The following ZNF606 variants were observed in gnomAD, a reference collection of about 807,000 sequenced individuals.
The protein encoded by ZNF606 is zinc finger protein 328.
In ZNF606, 37 loss-of-function variants were observed where a neutral mutation model predicts 74.9. That is an observed-to-expected ratio of 0.49 (90% confidence interval 0.38 to 0.65). The LOEUF (loss-of-function observed/expected upper bound fraction) is 0.65, where lower values mean the gene tolerates loss of function less well. Among genes scored for constraint, ZNF606 ranks in the 30% least tolerant of loss-of-function variants. The pLI is 0.00. For missense variants in ZNF606, 852 were observed against 952.9 expected (o/e 0.89, Z 1.39); for synonymous variants, 328 against 312.4 (o/e 1.05, Z -0.53).
rs377480143 is a variant in ZNF606, at chr19:57,979,783, A to G, written c.897T>C (p.Asn299=). The G allele has an allele frequency of 1.2e-4, 193 of 1,613,322 alleles. No individual in the cohort carries two copies. The highest frequency in any genetic ancestry group is 1.5e-4 in the Non-Finnish European group (182 of 1,179,998). Residue 299 remains asparagine, a synonymous_variant, in exon 7 of 7, where the codon AAT becomes AAC. Transcript: ENST00000551380. ...FKCTDAVKSF[N]HIIHFGDHKG... is the part of the protein sequence containing the mutation. ...TATGATCACCAAAATGTATTATATGATTGAAAGATTTAACAGCATCAGTAC... is the reference window on the plus strand; with the variant it reads ...TATGATCACCAAAATGTATTATATGGTTGAAAGATTTAACAGCATCAGTAC...
chr19:57,988,868 G>A (rs1374304612), intron 4 of ZNF606, 147 bp from the exon 5 acceptor site: 1 of 1,323,494 alleles, frequency 7.6e-7, no homozygotes, highest in Non-Finnish European at 1.0e-6. Flanking sequence ...ATGTGAGTCA[G>A]GTCTCATTGA....
chr19:57,987,423 A>T (rs2073180771), intron 6 of ZNF606, among the ~76,000 whole-genome samples: 1 of 151,992 alleles, frequency 6.6e-6, no homozygotes, highest in Admixed American at 6.6e-5. Context: ...TTTTTAATAA[A>T]GGAGATTTTT....
At chr19:57,985,526 G>A (rs931379581) in intron 6 of ZNF606, among the ~76,000 whole-genome samples, 5 of 152,138 alleles carry the variant, frequency 3.3e-5, no homozygotes, top group Admixed American at 6.6e-5. Flanking sequence ...GCAAACAGGT[G>A]GGGCCCAAAA....
intron 4 of ZNF606, among the ~76,000 whole-genome samples, chr19:57,994,880 G>C (rs113081907): frequency 0.063 from 9,636 of 152,170 alleles, 414 homozygotes; most frequent in Middle Eastern, 0.095. Context: ...GGCAGCACTA[G>C]TAACACTGAA....
Position 57,978,472 on chromosome 19 carries a change from G to A in ZNF606, c.2208C>T (p.Tyr736=). ...HLRNHTGEKP[Y]KCNHCEKAFC... ...ATGCTTTTTCACAATGATTACATTTGTAGGGCTTTTCTCCAGTATGGTTTC... is the reference window on the plus strand; with the variant it reads ...ATGCTTTTTCACAATGATTACATTTATAGGGCTTTTCTCCAGTATGGTTTC... The change falls in exon 7 of 7, where the codon TAC becomes TAT. Residue 736 remains tyrosine (Y), a synonymous_variant. Coordinates refer to ENST00000551380, the MANE Select transcript of ZNF606 (RefSeq NM_001348022.3). The surrounding 1 kb of genome is among the most constrained non-coding windows in gnomAD (Gnocchi z 4.4). The A allele has an allele frequency of 6.2e-7, 1 of 1,613,924 alleles. No homozygotes were observed. Among genetic ancestry groups the A allele is most frequent in the Non-Finnish European group, 8.5e-7 (1 of 1,179,852 alleles).
Position 58,001,329 on chromosome 19 carries a change from T to G in ZNF606, c.-10A>C. On this transcript the variant is annotated 5_prime_UTR_variant, in exon 2 of 7. Transcript: ENST00000551380. The stretch of plus-strand genomic sequence containing the variant: ...GGTTGATGGCTGCCATCCCGAGGAC[T>G]GATTGACCAGGCACCTGCCCAGGAA... 1 of 1,614,136 alleles carries G rather than the reference T, an allele frequency of 6.2e-7. No homozygotes were observed. The highest frequency in any genetic ancestry group is 8.5e-7 in the Non-Finnish European group (1 of 1,180,028).
chr19:57,984,368 A>G (rs2073134040), intron 6 of ZNF606, among the ~76,000 whole-genome samples: 1 of 152,208 alleles, frequency 6.6e-6, no homozygotes, highest in Non-Finnish European at 1.5e-5. Context: ...GTAACTAAGA[A>G]TGGGCAGCAC....
chr19:57,990,539 CAAAAAAA>C (rs1028844010), intron 4 of ZNF606, among the ~76,000 whole-genome samples: 3 of 51,932 alleles, frequency 5.8e-5, no homozygotes, highest in East Asian at 6.0e-4. Context: ...AACCCAGTCT[CAAAAAAA>C]AAAAAAAAAA....
At chr19:57,994,345 G>A (rs569563193) in intron 4 of ZNF606, among the ~76,000 whole-genome samples, 1 of 152,008 alleles carries the variant, frequency 6.6e-6, no homozygotes, top group Non-Finnish European at 1.5e-5. Context: ...GCTAACAGAA[G>A]AGCCCAGAAA....
At chr19:58,000,653 A>C (rs780955987) in intron 3 of ZNF606, 30 bp downstream of exon 3, 1 of 1,613,294 alleles carries the variant, frequency 6.2e-7, no homozygotes. Flanking sequence ...ACAATATGGC[A>C]GCCCACAGCT....
chr19:57,992,083 A>G (rs778078817), intron 4 of ZNF606, among the ~76,000 whole-genome samples: 3 of 152,182 alleles, frequency 2.0e-5, no homozygotes, highest in Non-Finnish European at 4.4e-5. Context: ...CAAGACCCCA[A>G]TGGAATCATT....
chr19:57,986,915 C>G (rs1248862467), intron 6 of ZNF606, among the ~76,000 whole-genome samples: 1 of 152,036 alleles, frequency 6.6e-6, no homozygotes, highest in Non-Finnish European at 1.5e-5. Context: ...GAGACCTTGT[C>G]TCTACAAAAA....
At chr19:57,991,388 A>C (rs1439020885) in intron 4 of ZNF606, among the ~76,000 whole-genome samples, 1 of 151,432 alleles carries the variant, frequency 6.6e-6, no homozygotes, top group East Asian at 1.9e-4. Context: ...TCTATGAAAC[A>C]CTCCCCAACC....
rs553039707 is a variant in ZNF606 at position 57,988,805 on chromosome 19, G to C, written c.178-84C>G. ...GATGGAGTGAGGCTGACAGCCCTGG[G>C]GAGAGAAGACAGGATGTAGAGAAAC... On this transcript the variant is annotated intron_variant, in intron 4 of 6. Transcript: ENST00000551380. 4.2e-4 allele frequency: 668 copies of C among 1,594,738 alleles called. 7 individuals are homozygous for C. The highest frequency in any genetic ancestry group is 3.2e-3 in the Middle Eastern group (19 of 6,012).
At chr19:57,999,919 T>G in intron 3 of ZNF606, 23 bp from the exon 4 acceptor site, 6 of 1,609,824 alleles carry the variant, frequency 3.7e-6, no homozygotes, top group Non-Finnish European at 5.1e-6. Context: ...AAAAAAGTCA[T>G]GGAGGCAGCT....
rs1295084140 is a variant in ZNF606 at position 58,002,498 on chromosome 19, A to G, written c.-154T>C. On this transcript the variant is annotated 5_prime_UTR_variant, in exon 1 of 7. Transcript: ENST00000551380. ...GTCCCGCGCCGAGGTCCGGCCCAGGAGTGCGCTTGGGAGCTCCCGGCGCGG... is the reference window on the plus strand; with the variant it reads ...GTCCCGCGCCGAGGTCCGGCCCAGGGGTGCGCTTGGGAGCTCCCGGCGCGG... 4.4e-6 allele frequency: 2 copies of G among 451,084 alleles called. No individual in the cohort carries two copies. Among genetic ancestry groups the G allele is most frequent in the Admixed American group, 4.8e-5 (2 of 41,828 alleles). The allele number at this position is 451,084 out of a possible 1,614,324, so 27.9% of individuals were successfully genotyped here.
chr19:57,997,959 T>G (rs1196618266), intron 4 of ZNF606: 1 of 152,188 alleles, frequency 6.6e-6, no homozygotes, highest in Non-Finnish European at 1.5e-5. Context: ...ATAGCAACAC[T>G]GCCAAGTGGG....
In ZNF606 at chr19:57,978,326, T is replaced by C. The variant is rs1322729003; in HGVS notation, c.2354A>G (p.Asn785Ser). The C allele has an allele frequency of 1.9e-6, 3 of 1,572,042 alleles. No individual in the cohort carries two copies. Among genetic ancestry groups the C allele is most frequent in the South Asian group, 2.3e-5 (2 of 85,384 alleles). The change falls in exon 7 of 7, where the codon AAT becomes AGT. Residue 785 changes from asparagine to serine, a missense_variant. Physicochemically the swap from Asn to Ser is conservative, Grantham distance 46 (BLOSUM62 1). This residue lies in a region of ZNF606 where 64 missense variants were observed against 51.1 expected (regional missense o/e 1.25). Transcript: ENST00000551380. This position sits in a 1 kb window ranked among gnomAD's most constrained non-coding sequence, Gnocchi z 4.4. ...GHSALLQHQR[N>S]HSEEKLN ...TCAATTCAGTTTCTCTTCACTGTGATTTCTCTGGTGTTGAAGTAGGGCTGA... is the reference window on the plus strand; with the variant it reads ...TCAATTCAGTTTCTCTTCACTGTGACTTCTCTGGTGTTGAAGTAGGGCTGA...
intron 6 of ZNF606, among the ~76,000 whole-genome samples, chr19:57,983,503 G>C (rs774329887): frequency 4.6e-5 from 7 of 151,868 alleles, no homozygotes; most frequent in Non-Finnish European, 1.0e-4. Flanking sequence ...GCTTGAACCC[G>C]GGAGGTGGAG....
Sources: allele counts gnomAD v4.1 joint callset (sites outside exome capture counted in the v4.1 genomes callset), GRCh38; gene constraint gnomAD v4.1.1; regional missense constraint gnomAD v4.1.1; non-coding constraint Gnocchi (gnomAD v3.1); transcripts MANE v1.5; gene names NCBI Gene and HGNC (gene_info 2026-07-23, HGNC 2026-07-21).